GPR158: variants seen among roughly 807,000 people sequenced by gnomAD.
GPR158 encodes G protein-coupled receptor 158.
GPR158 carries 30 observed loss-of-function variants against 78.2 expected under a neutral mutation model. The observed-to-expected ratio is 0.38, with a 90% CI of 0.29 to 0.52. The LOEUF is 0.52. GPR158 is among the 20% of genes least tolerant of loss of function. The pLI, the probability that GPR158 is intolerant of heterozygous loss-of-function variation, is 0.83. For missense variants in GPR158, 1,463 were observed against 1,523.5 expected, an observed-to-expected ratio of 0.96 and a Z score of 0.66; for synonymous variants, 581 against 591.1, an observed-to-expected ratio of 0.98 and a Z score of 0.25.
intron 4 of GPR158, among the ~76,000 whole-genome samples, chr10:25,433,458 T>C (rs1331547702): frequency 6.6e-6 from 1 of 152,138 alleles, no homozygotes; most frequent in East Asian, 1.9e-4. Flanking sequence ...TTGGTGTTAC[T>C]ACACGCTTTT....
chr10:25,476,937 A>G (rs919008977), intron 5 of GPR158, among the ~76,000 whole-genome samples: 1 of 152,128 alleles, frequency 6.6e-6, no homozygotes, highest in African/African-American at 2.4e-5. Context: ...TGGATGGACC[A>G]TGTTATTGAG....
chr10:25,492,262 C>A (rs1050001771), intron 5 of GPR158, among the ~76,000 whole-genome samples: 1 of 152,186 alleles, frequency 6.6e-6, no homozygotes, highest in African/African-American at 2.4e-5. Flanking sequence ...AAACACCTCC[C>A]ACCAGGCCCT....
intron 1 of GPR158, among the ~76,000 whole-genome samples, chr10:25,196,674 C>G (rs900794146): frequency 5.3e-5 from 8 of 152,166 alleles, no homozygotes; most frequent in African/African-American, 1.9e-4. Flanking sequence ...GTCTCTGCCC[C>G]ACCCTGGACC....
At chr10:25,336,808 T>C (rs1004720984) in intron 2 of GPR158, among the ~76,000 whole-genome samples, 1 of 152,114 alleles carries the variant, frequency 6.6e-6, no homozygotes, top group African/African-American at 2.4e-5. Flanking sequence ...TCCTGGAAGA[T>C]GGTGCTCAGG....
At chr10:25,425,539 T>C (rs1958949) in intron 4 of GPR158, among the ~76,000 whole-genome samples, 106,099 of 151,456 alleles carry the variant, frequency 0.7, 38,126 homozygotes, top group Non-Finnish European at 0.8. Flanking sequence ...GCAACAAAAA[T>C]GAAGGTAAAT....
chr10:25,537,192 C>A (rs1313863798), intron 5 of GPR158, among the ~76,000 whole-genome samples: 1 of 152,208 alleles, frequency 6.6e-6, no homozygotes, highest in African/African-American at 2.4e-5. Context: ...TATAGTCTTT[C>A]CAACCAAAAC....
intron 4 of GPR158, among the ~76,000 whole-genome samples, chr10:25,423,136 C>CGTATATACGTATATACGT (rs1313898036): frequency 1.3e-5 from 1 of 76,254 alleles, no homozygotes; most frequent in African/African-American, 3.7e-5. Flanking sequence ...TATGTATATA[C>CGTATATACGTATATACGT]ATATACATAT....
chr10:25,544,262 A>T (rs370762247), intron 5 of GPR158, among the ~76,000 whole-genome samples: 2 of 151,058 alleles, frequency 1.3e-5, no homozygotes, highest in African/African-American at 4.9e-5. Flanking sequence ...GGCCCCTAGT[A>T]TCAGAAAGAG....
chr10:25,179,575 G>A (rs951626095), intron 1 of GPR158, among the ~76,000 whole-genome samples: 2 of 152,018 alleles, frequency 1.3e-5, no homozygotes, highest in African/African-American at 4.8e-5. Flanking sequence ...TTATATTGCT[G>A]TTTATCACTG....
At chr10:25,455,052 T>G (rs1171636055) in intron 4 of GPR158, among the ~76,000 whole-genome samples, 1 of 152,246 alleles carries the variant, frequency 6.6e-6, no homozygotes, top group Non-Finnish European at 1.5e-5. Flanking sequence ...AGCCTGTATA[T>G]GTATTTTTCA....
intron 4 of GPR158, among the ~76,000 whole-genome samples, chr10:25,426,482 CT>C (rs1467749657): frequency 6.6e-6 from 1 of 151,890 alleles, no homozygotes; most frequent in Non-Finnish European, 1.5e-5. Context: ...GTGACTTTTC[CT>C]TTTTTTGAAT....
At chr10:25,395,813 T>C (rs1834356669) in intron 2 of GPR158, 98 bp from the exon 3 acceptor site, 2 of 546,746 alleles carry the variant, frequency 3.7e-6, no homozygotes, top group East Asian at 6.3e-5. Context: ...GAAAATGTGT[T>C]AGTTTTCTGT....
intron 5 of GPR158, among the ~76,000 whole-genome samples, chr10:25,535,234 AC>A (rs1836484105): frequency 6.6e-6 from 1 of 152,148 alleles, no homozygotes; most frequent in South Asian, 2.1e-4. Flanking sequence ...TGTAATTCTC[AC>A]CCCTTGACTA....
rs553077563 is a variant in GPR158, at chr10:25,455,660, G to A, written c.1336-10991G>A. On this transcript the variant is annotated intron_variant, in intron 4 of 10. Transcript: ENST00000376351. ...TATTTATTATCTAGTTAAGACTTGT[G>A]AATTTATTATTTGAAAATCGTTACT... Among the ~76,000 whole-genome samples, 10 of 152,144 alleles carry A rather than the reference G, an allele frequency of 6.6e-5. No homozygotes were observed. In the East Asian group the frequency reaches 1.4e-3, roughly 21 times the overall value.
chr10:25,187,683 A>G (rs949331078), intron 1 of GPR158, among the ~76,000 whole-genome samples: 1 of 152,216 alleles, frequency 6.6e-6, no homozygotes, highest in Non-Finnish European at 1.5e-5. Context: ...ATCATACTGA[A>G]TGGGCAAAAA....
intron 2 of GPR158, among the ~76,000 whole-genome samples, chr10:25,338,950 G>T (rs1445347515): frequency 6.7e-6 from 1 of 148,616 alleles, no homozygotes; most frequent in African/African-American, 2.5e-5. Context: ...AAGATTTTCT[G>T]TTAAAGGTCC....
At chr10:25,341,987 A>G (rs933008123) in intron 2 of GPR158, among the ~76,000 whole-genome samples, 13 of 152,090 alleles carry the variant, frequency 8.5e-5, no homozygotes, top group African/African-American at 3.1e-4. Flanking sequence ...TAATTGACAG[A>G]GTTCCTGATA....
At chr10:25,305,206 G>A (rs531099560) in intron 2 of GPR158, among the ~76,000 whole-genome samples, 2 of 152,312 alleles carry the variant, frequency 1.3e-5, no homozygotes, top group South Asian at 2.1e-4. Flanking sequence ...CAGAAGTAGC[G>A]TGATGGCAAA....
chr10:25,591,169 G>T (rs991300685), intron 8 of GPR158, among the ~76,000 whole-genome samples: 3 of 152,030 alleles, frequency 2.0e-5, no homozygotes, highest in African/African-American at 7.2e-5. Context: ...ATGATACATT[G>T]CACTTTATAG....
Sources: gnomAD v4.1 joint callset for allele counts (sites outside exome capture counted in the v4.1 genomes callset) on GRCh38, gnomAD v4.1.1 for gene constraint, MANE v1.5 for transcripts, NCBI Gene and HGNC (gene_info 2026-07-23, HGNC 2026-07-21) for gene names.